ACAA2: variants seen among roughly 807,000 people sequenced by gnomAD.
ACAA2 encodes the protein 3-ketoacyl-CoA thiolase, mitochondrial.
ACAA2 carries 35 observed loss-of-function variants against 44.8 expected under a neutral mutation model. That is an observed-to-expected ratio of 0.78 (90% CI 0.60 to 1.04). ACAA2 has a LOEUF of 1.04. Ranked by LOEUF, ACAA2 falls within the 50% of genes least tolerant of loss-of-function variation. The pLI is 0.00. For synonymous variants in ACAA2, 142 were observed against 166.5 expected (o/e 0.85, Z 1.13); for missense variants, 468 against 482.6 (o/e 0.97, Z 0.28).
intron 1 of ACAA2, among the ~76,000 whole-genome samples, chr18:49,806,749 T>C (rs912171177): frequency 1.9e-4 from 29 of 152,268 alleles, no homozygotes; most frequent in African/African-American, 6.7e-4. Context: ...GAGGAAAATA[T>C]GCTCCTAATA....
At chr18:49,787,202 C>A in intron 8 of ACAA2, 89 bp downstream of exon 8, 3 of 1,018,496 alleles carry the variant, frequency 2.9e-6, no homozygotes, top group Non-Finnish European at 1.3e-6. Flanking sequence ...ATTCAAAGAG[C>A]AATGAGACCA....
At chr18:49,810,036 A>G (rs1187603684) in intron 1 of ACAA2, among the ~76,000 whole-genome samples, 1 of 152,250 alleles carries the variant, frequency 6.6e-6, no homozygotes, top group African/African-American at 2.4e-5. Context: ...GCTCAAAAAC[A>G]AAGTTTGTAA....
chr18:49,809,465 T>C (rs1051963406), intron 1 of ACAA2, among the ~76,000 whole-genome samples: 1 of 152,232 alleles, frequency 6.6e-6, no homozygotes, highest in Non-Finnish European at 1.5e-5. Context: ...TCAGGGTCCC[T>C]GACTTCCCAC....
chr18:49,792,090 C>G (rs2023408356), intron 6 of ACAA2, 62 bp downstream of exon 6: 1 of 1,369,126 alleles, frequency 7.3e-7, no homozygotes, highest in Non-Finnish European at 1.0e-6. Context: ...CAAGATACTT[C>G]ATGATTACTT....
At chr18:49,800,358 G>A (rs1598799121) in intron 2 of ACAA2, among the ~76,000 whole-genome samples, 3 of 151,766 alleles carry the variant, frequency 2.0e-5, no homozygotes, top group East Asian at 3.9e-4. Context: ...GGGAAGTGAG[G>A]AGCCCCTCTG....
rs761460625 is a variant in ACAA2 at position 49,791,482 on chromosome 18, T to TAG, written c.869_870dup (p.Ile291LeufsTer15). 1.9e-6 allele frequency: 3 copies of TAG among 1,611,790 alleles called. No homozygotes were observed. Among genetic ancestry groups the TAG allele is most frequent in the Non-Finnish European group, 8.5e-7 (1 of 1,179,652 alleles). ...ACTATAAACTTACCAATACCCATGATAGAGGGATCACATCCAGATACAAAG... is the reference window on the plus strand; with the variant it reads ...ACTATAAACTTACCAATACCCATGATAGAGAGGGATCACATCCAGATACAAAG... On this transcript the variant is annotated frameshift_variant, in exon 7 of 10. Transcript: ENST00000285093. LOFTEE classifies it high-confidence loss of function.
chr18:49,792,248 T>C lies in ACAA2; in HGVS notation c.657A>G (p.Val219=). 5.6e-6 allele frequency: 9 copies of C among 1,613,962 alleles called. No homozygotes were observed. Among genetic ancestry groups the C allele is most frequent in the Non-Finnish European group, 7.6e-6 (9 of 1,179,860 alleles). ...TGGTTTGGGGCCGAGCATGCTCGTCTACCTGCATTGTCTGTTTTCCTTTCT... is the reference window on the plus strand; with the variant it reads ...TGGTTTGGGGCCGAGCATGCTCGTCCACCTGCATTGTCTGTTTTCCTTTCT... ...KTKKGKQTMQ[V]DEHARPQTTL... Residue 219 remains valine, a synonymous_variant, in exon 6 of 10, where the codon GTA becomes GTG. Coordinates refer to ENST00000285093, the MANE Select transcript of ACAA2 (RefSeq NM_006111.3).
chr18:49,787,117 G>A (rs1297722306), intron 8 of ACAA2, among the ~76,000 whole-genome samples, 174 bp downstream of exon 8: 1 of 152,004 alleles, frequency 6.6e-6, no homozygotes, highest in African/African-American at 2.4e-5. Flanking sequence ...GTGGGGAAAA[G>A]TATCAACACA....
At chr18:49,788,960 A>G (rs1314689870) in intron 7 of ACAA2, among the ~76,000 whole-genome samples, 1 of 152,154 alleles carries the variant, frequency 6.6e-6, no homozygotes, top group Non-Finnish European at 1.5e-5. Flanking sequence ...CATCAATAGC[A>G]CTCTGAATGG....
chr18:49,789,538 A>AAAAC (rs1228098545), intron 7 of ACAA2, among the ~76,000 whole-genome samples: 1 of 152,218 alleles, frequency 6.6e-6, no homozygotes, highest in East Asian at 1.9e-4. Flanking sequence ...AGAAGGAAGG[A>AAAAC]AAACAACGCT....
chr18:49,785,134 C>T (rs1323725332), intron 9 of ACAA2, 63 bp downstream of exon 9: 6 of 1,574,552 alleles, frequency 3.8e-6, no homozygotes, highest in Non-Finnish European at 5.2e-6. Flanking sequence ...TCTGGGGAAG[C>T]CTAAATCCAT....
chr18:49,804,757 G>A (rs2023593546), intron 1 of ACAA2, among the ~76,000 whole-genome samples: 1 of 152,026 alleles, frequency 6.6e-6, no homozygotes, highest in Admixed American at 6.6e-5. Flanking sequence ...CGGTGTCCTT[G>A]TACAAATAAA....
At chr18:49,798,084 C>T (rs1006151575) in intron 2 of ACAA2, among the ~76,000 whole-genome samples, 2 of 152,126 alleles carry the variant, frequency 1.3e-5, no homozygotes, top group African/African-American at 4.8e-5. Flanking sequence ...GGTTCTCAAC[C>T]TTGGTTGCAG....
chr18:49,795,964 A>G, intron 3 of ACAA2, 83 bp from the exon 4 acceptor site: 1 of 853,846 alleles, frequency 1.2e-6, no homozygotes, highest in Non-Finnish European at 1.9e-6. Context: ...TTACAAATTA[A>G]TGGTAAATCA....
At chr18:49,797,409 T>C (rs1440323300) in intron 3 of ACAA2, 57 bp downstream of exon 3, 4 of 1,523,360 alleles carry the variant, frequency 2.6e-6, no homozygotes, top group Non-Finnish European at 3.6e-6. Flanking sequence ...CAGTGGGACA[T>C]TTCTTCTAGT....
intron 7 of ACAA2, 118 bp from the exon 8 acceptor site, chr18:49,787,479 C>A: frequency 2.8e-6 from 2 of 725,106 alleles, no homozygotes; most frequent in Non-Finnish European, 4.1e-6. Flanking sequence ...TTATTAGTAG[C>A]CACAAATCTT....
At chr18:49,791,719 G>C in intron 6 of ACAA2, 120 bp from the exon 7 acceptor site, 1 of 959,228 alleles carries the variant, frequency 1.0e-6, no homozygotes, top group East Asian at 2.6e-5. Flanking sequence ...TGCACAGTGT[G>C]AGATACAATT....
At chr18:49,804,890 A>T (rs551823025) in intron 1 of ACAA2, among the ~76,000 whole-genome samples, 2 of 152,338 alleles carry the variant, frequency 1.3e-5, no homozygotes, top group South Asian at 2.1e-4. Context: ...ACAGTGCAAA[A>T]CCGGCATATC....
chr18:49,809,065 C>T (rs549522687), intron 1 of ACAA2, among the ~76,000 whole-genome samples: 4 of 152,254 alleles, frequency 2.6e-5, no homozygotes, highest in South Asian at 2.1e-4. Context: ...CTTAACATTC[C>T]TTGCTAGGAA....
Sources: gnomAD v4.1 joint callset for allele counts (sites outside exome capture counted in the v4.1 genomes callset) on GRCh38, gnomAD v4.1.1 for gene constraint, MANE v1.5 for transcripts, NCBI Gene and HGNC (gene_info 2026-07-23, HGNC 2026-07-21) for gene names.